Variants in POT1 observed in about 807,000 individuals in gnomAD.
POT1 encodes the protein protection of telomeres 1, also known as protection of telomeres protein 1.
Under a neutral mutation model 78.5 loss-of-function variants are expected in POT1, and 47 were observed. The observed-to-expected ratio is 0.60, with a 90% CI of 0.47 to 0.76. POT1 has a LOEUF of 0.76. Ranked by LOEUF, POT1 falls within the 30% of genes least tolerant of loss-of-function variation. The pLI is 0.00. For synonymous variants in POT1, 259 were observed against 260.7 expected (o/e 0.99, Z 0.06); for missense variants, 646 against 749.9 (o/e 0.86, Z 1.62).
chr7:124,863,255 A>C (rs1269968006), intron 8 of POT1, 95 bp downstream of exon 8: 1 of 1,224,076 alleles, frequency 8.2e-7, no homozygotes, highest in African/African-American at 1.5e-5. Context: ...TATAATACAC[A>C]GCATGCTTTA....
In POT1 at chr7:124,851,964, G is replaced by C. The variant is rs374223039; in HGVS notation, c.870-13C>G. The C allele has an allele frequency of 1.9e-6, 3 of 1,553,714 alleles. No homozygotes were observed. The highest frequency in any genetic ancestry group is 2.7e-6 in the Non-Finnish European group (3 of 1,127,812). ...AGATTCTAAATCCCTATAATTGAAA[G>C]AATACAATTTCAAATTGCATAAAAC... On this transcript the variant is annotated splice_polypyrimidine_tract_variant and intron_variant, in intron 10 of 18. Transcript: ENST00000357628.
intron 2 of POT1, among the ~76,000 whole-genome samples, chr7:124,916,792 G>A (rs2116700554): frequency 6.6e-6 from 1 of 152,262 alleles, no homozygotes; most frequent in Non-Finnish European, 1.5e-5. Context: ...GAGCCCCCAA[G>A]CTGCAAACAC....
chr7:124,895,665 A>C (rs1796475346), intron 5 of POT1, among the ~76,000 whole-genome samples: 1 of 151,766 alleles, frequency 6.6e-6, no homozygotes, highest in African/African-American at 2.4e-5. Flanking sequence ...ATAAAAGCGG[A>C]GAGATGTCTT....
At position 124,834,077 on chromosome 7, in the gene POT1, C is replaced by A. The variant is rs147547929; in HGVS notation, c.1505+1202G>T. On this transcript the variant is annotated intron_variant, in intron 15 of 18. Coordinates refer to ENST00000357628, the MANE Select transcript of POT1 (RefSeq NM_015450.3). ...CATATGCAGAAAACTGAAACTGGAT[C>A]CCCTTACACCTTATACAAAAATCAA... Among the ~76,000 whole-genome samples, 981 of 152,084 alleles carry A rather than the reference C, an allele frequency of 6.5e-3. 13 individuals carry two copies. Among genetic ancestry groups the A allele is most frequent in the African/African-American group, 0.022 (911 of 41,474 alleles).
At chr7:124,864,479 C>A (rs1795672959) in intron 7 of POT1, among the ~76,000 whole-genome samples, 1 of 151,906 alleles carries the variant, frequency 6.6e-6, no homozygotes, top group African/African-American at 2.4e-5. Flanking sequence ...TTTTTTCATA[C>A]TTCTTGCTTT....
At chr7:124,872,736 AC>A (rs1562998221) in intron 6 of POT1, among the ~76,000 whole-genome samples, 1 of 152,180 alleles carries the variant, frequency 6.6e-6, no homozygotes, top group Non-Finnish European at 1.5e-5. Flanking sequence ...AAAGTACTGT[AC>A]CCAGTAGTGA....
chr7:124,876,386 T>C (rs1398855148), intron 6 of POT1, among the ~76,000 whole-genome samples: 2 of 152,184 alleles, frequency 1.3e-5, no homozygotes, highest in South Asian at 2.1e-4. Flanking sequence ...TTTTTCCTAT[T>C]ATGCTTAGGT....
At position 124,822,524 on chromosome 7, in the gene POT1, A is replaced by T. The variant is rs1391899844; in HGVS notation, c.*1438T>A. The T allele has an allele frequency of 1.5e-5, 7 of 455,346 alleles. No individual in the cohort carries two copies. Among genetic ancestry groups the T allele is most frequent in the South Asian group, 1.1e-4 (7 of 64,366 alleles). The allele number at this position is 455,346 out of a possible 1,614,324, so 28.2% of individuals were successfully genotyped here. A position where few individuals can be genotyped will look rare whatever the true frequency, so the allele number is the denominator to read the frequency against. Reference sequence around the variant, plus strand: ...CAGTGTGAACATATGGCACCTTTGGACCTCTACTCTTCTAGATTGAGGGCT... The same window carrying T: ...CAGTGTGAACATATGGCACCTTTGGTCCTCTACTCTTCTAGATTGAGGGCT... On this transcript the variant is annotated 3_prime_UTR_variant, in exon 19 of 19. Transcript: ENST00000357628.
At chr7:124,882,676 A>C (rs1395598613) in intron 6 of POT1, among the ~76,000 whole-genome samples, 2 of 141,704 alleles carry the variant, frequency 1.4e-5, no homozygotes, top group East Asian at 4.1e-4. Context: ...TGAGTAAAAG[A>C]CTGTACCACA....
At chr7:124,828,005 C>A (rs755945037) in intron 16 of POT1, among the ~76,000 whole-genome samples, 1 of 152,018 alleles carries the variant, frequency 6.6e-6, no homozygotes, top group African/African-American at 2.4e-5. Context: ...TGCACTCCAG[C>A]CTGGGCGACA....
intron 9 of POT1, among the ~76,000 whole-genome samples, chr7:124,853,741 T>C (rs1795375026): frequency 6.6e-6 from 1 of 152,080 alleles, no homozygotes; most frequent in South Asian, 2.1e-4. Context: ...GTTAACTAAT[T>C]AGAGTTTTGA....
intron 17 of POT1, among the ~76,000 whole-genome samples, chr7:124,825,628 GCTGA>G (rs1443136976): frequency 6.6e-6 from 1 of 151,842 alleles, no homozygotes; most frequent in Admixed American, 6.6e-5. Flanking sequence ...AAACAATGAG[GCTGA>G]CTATTCTCTT....
intron 15 of POT1, among the ~76,000 whole-genome samples, chr7:124,833,690 C>A (rs780518746): frequency 5.3e-5 from 8 of 152,170 alleles, no homozygotes; most frequent in Admixed American, 2.0e-4. Flanking sequence ...TAACTGGAAT[C>A]TAAATCCTCA....
intron 8 of POT1, among the ~76,000 whole-genome samples, chr7:124,862,969 C>T (rs1299942791): frequency 2.6e-5 from 4 of 151,840 alleles, no homozygotes; most frequent in South Asian, 2.1e-4. Context: ...CCAACATCAA[C>T]GGGACAAAAA....
rs989016486 is a variant in POT1, at chr7:124,858,712, C to T, written c.702+245G>A. 24 of 260,314 alleles carry T rather than the reference C, an allele frequency of 9.2e-5. No homozygotes were observed. The Admixed American group carries it at 1.3e-3, about 14-fold the overall frequency. 16.1% of individuals were successfully genotyped at this position (260,314 alleles called of 1,614,324 possible). On this transcript the variant is annotated intron_variant, in intron 9 of 18. Transcript: ENST00000357628. ...ACAAAATTTTTCTATACTATTTTCA[C>T]AGTAAAATTATGTATACCTTTAAGA...
At chr7:124,925,041 TAAG>T (rs986863749) in intron 2 of POT1, among the ~76,000 whole-genome samples, 20 of 152,020 alleles carry the variant, frequency 1.3e-4, no homozygotes, top group African/African-American at 4.8e-4. Context: ...AGATTCCCTC[TAAG>T]AATTGGAACA....
At chr7:124,874,535 C>T (rs993498270) in intron 6 of POT1, among the ~76,000 whole-genome samples, 1 of 152,002 alleles carries the variant, frequency 6.6e-6, no homozygotes, top group Non-Finnish European at 1.5e-5. Context: ...CAGTTAAAGA[C>T]CAGCCTGGCC....
chr7:124,899,840 AT>A (rs780057247), intron 3 of POT1, among the ~76,000 whole-genome samples: 9 of 152,004 alleles, frequency 5.9e-5, no homozygotes, highest in African/African-American at 2.2e-4. Flanking sequence ...ACAGATGACC[AT>A]TTTTTTTCTA....
intron 6 of POT1, among the ~76,000 whole-genome samples, chr7:124,877,840 CAAAAAAAAAAAA>C (rs201285982): frequency 0.025 from 2,016 of 80,558 alleles, 69 homozygotes; most frequent in African/African-American, 0.078. Context: ...GATTCTGTCT[CAAAAAAAAAAAA>C]AAAAAAAAAA....
Sources: allele counts gnomAD v4.1 joint callset (sites outside exome capture counted in the v4.1 genomes callset), GRCh38; gene constraint gnomAD v4.1.1; transcripts MANE v1.5; gene names NCBI Gene and HGNC (gene_info 2026-07-23, HGNC 2026-07-21).